The following PRKCB variants were observed in gnomAD, a reference collection of about 807,000 sequenced individuals.
PRKCB encodes the protein protein kinase C beta.
In PRKCB, 13 loss-of-function variants were observed where a neutral mutation model predicts 81.5. The observed-to-expected ratio is 0.16, with a 90% CI of 0.10 to 0.25. PRKCB has a LOEUF of 0.25. Among genes scored for constraint, PRKCB ranks in the 10% least tolerant of loss-of-function variants. PRKCB has a pLI of 1.00. For synonymous variants in PRKCB, 335 were observed against 321.4 expected (o/e 1.04, Z -0.45); for missense variants, 509 against 875.7 (o/e 0.58, Z 5.29).
At chr16:23,863,249 T>TACAC (rs1250558253) in intron 2 of PRKCB, among the ~76,000 whole-genome samples, 1 of 56,012 alleles carries the variant, frequency 1.8e-5, no homozygotes, top group African/African-American at 4.9e-5. Flanking sequence ...TACATATATA[T>TACAC]ACACATACAC....
intron 2 of PRKCB, among the ~76,000 whole-genome samples, chr16:23,888,146 A>G (rs55764664): frequency 0.014 from 2,206 of 152,292 alleles, 41 homozygotes; most frequent in African/African-American, 0.051. Context: ...GGAGGACTTC[A>G]GGCAATCCCT....
intron 2 of PRKCB, among the ~76,000 whole-genome samples, chr16:23,974,355 C>T (rs1177849455): frequency 6.6e-6 from 1 of 152,096 alleles, no homozygotes; most frequent in African/African-American, 2.4e-5. Context: ...CCTGAAGTCC[C>T]TTGGATTGAC....
intron 9 of PRKCB, among the ~76,000 whole-genome samples, chr16:24,142,023 G>C (rs1215124840): frequency 6.6e-6 from 1 of 152,118 alleles, no homozygotes; most frequent in Admixed American, 6.6e-5. Context: ...ATGGCTTGCT[G>C]TGTGTTGGGC....
intron 2 of PRKCB, among the ~76,000 whole-genome samples, chr16:23,957,571 G>A (rs1376800425): frequency 2.0e-5 from 3 of 152,132 alleles, no homozygotes; most frequent in East Asian, 1.9e-4. Context: ...TTATTCCCAC[G>A]TGAAGCATCT....
intron 3 of PRKCB, among the ~76,000 whole-genome samples, chr16:24,002,037 A>G (rs554266804): frequency 6.6e-6 from 1 of 152,058 alleles, no homozygotes; most frequent in Non-Finnish European, 1.5e-5. Flanking sequence ...GTGGTTTCTC[A>G]TGATTGTGTG....
Position 24,191,072 on chromosome 16 carries a change from T to C in PRKCB, c.1723-18T>C. ...CTTCTGAAACTCAGCAAATTCAATG[T>C]TTTTCTTTCTCTCGAAGCTGATGAC... is the stretch of plus-strand genomic sequence containing the variant. On this transcript the variant is annotated intron_variant, in intron 15 of 16. Coordinates refer to ENST00000643927, the MANE Select transcript of PRKCB (RefSeq NM_002738.7). 1.2e-6 allele frequency: 2 copies of C among 1,610,350 alleles called. No individual in the cohort carries two copies. The highest frequency in any genetic ancestry group is 1.7e-6 in the Non-Finnish European group (2 of 1,177,726).
At chr16:24,156,941 A>G (rs1239383493) in intron 10 of PRKCB, among the ~76,000 whole-genome samples, 2 of 152,244 alleles carry the variant, frequency 1.3e-5, no homozygotes, top group Admixed American at 6.5e-5. Flanking sequence ...GCTGAGCAGC[A>G]GCAGTTTTCC....
At chr16:23,955,733 C>T (rs1027919410) in intron 2 of PRKCB, among the ~76,000 whole-genome samples, 1 of 152,206 alleles carries the variant, frequency 6.6e-6, no homozygotes, top group Non-Finnish European at 1.5e-5. Context: ...TTACCTCTCT[C>T]TTTGTCACTT....
At chr16:24,021,321 T>TCCTC (rs1965394687) in intron 3 of PRKCB, among the ~76,000 whole-genome samples, 1 of 51,206 alleles carries the variant, frequency 2.0e-5, no homozygotes, top group Non-Finnish European at 3.6e-5. Flanking sequence ...CTTCCTTCCT[T>TCCTC]CCTTCCTTCC....
At chr16:23,969,127 G>A (rs1248053135) in intron 2 of PRKCB, among the ~76,000 whole-genome samples, 1 of 152,126 alleles carries the variant, frequency 6.6e-6, no homozygotes, top group African/African-American at 2.4e-5. Context: ...CTGAGATCGC[G>A]CCACTGCACT....
intron 8 of PRKCB, among the ~76,000 whole-genome samples, chr16:24,117,033 T>C (rs1966743586): frequency 6.6e-6 from 1 of 152,204 alleles, no homozygotes; most frequent in Non-Finnish European, 1.5e-5. Context: ...CAAATGCTTG[T>C]TTATGCCTGA....
chr16:24,201,165 G>T (rs1596596218), intron 16 of PRKCB, among the ~76,000 whole-genome samples: 4 of 152,186 alleles, frequency 2.6e-5, no homozygotes. Context: ...CTGGACTCCA[G>T]CCTCTTGATC....
intron 16 of PRKCB, among the ~76,000 whole-genome samples, chr16:24,206,430 G>A (rs1968046576): frequency 6.6e-6 from 1 of 152,188 alleles, no homozygotes; most frequent in African/African-American, 2.4e-5. Context: ...ACCTGAAGGT[G>A]TCCTGGTGTC....
At chr16:24,193,479 ATAAATAAAT>A in intron 16 of PRKCB, among the ~76,000 whole-genome samples, 1 of 150,676 alleles carries the variant, frequency 6.6e-6, no homozygotes, top group Non-Finnish European at 1.5e-5. Flanking sequence ...AAATAAATAA[ATAAATAAAT>A]AAATAAATAA....
chr16:24,163,120 G>T (rs1312632275), intron 10 of PRKCB, among the ~76,000 whole-genome samples: 1 of 152,154 alleles, frequency 6.6e-6, no homozygotes, highest in African/African-American at 2.4e-5. Context: ...CTTGGGTCAG[G>T]TGTTTATTCC....
intron 5 of PRKCB, among the ~76,000 whole-genome samples, chr16:24,089,893 AT>A (rs1423552089): frequency 6.6e-6 from 1 of 152,154 alleles, no homozygotes; most frequent in Non-Finnish European, 1.5e-5. Flanking sequence ...TTTATTGAGT[AT>A]TTTTTAAGTT....
chr16:24,171,964 A>G (rs753437994), intron 10 of PRKCB, among the ~76,000 whole-genome samples: 17 of 151,970 alleles, frequency 1.1e-4, no homozygotes, highest in Admixed American at 3.3e-4. Flanking sequence ...GCTGGCCTTG[A>G]ACTCCTGACC....
chr16:24,166,911 AC>A (rs889174375), intron 10 of PRKCB, among the ~76,000 whole-genome samples: 19 of 152,068 alleles, frequency 1.2e-4, no homozygotes, highest in Admixed American at 7.2e-4. Flanking sequence ...ACAAAACACG[AC>A]CTTACCTACA....
chr16:24,180,523 T>G (rs1967601325), intron 12 of PRKCB, among the ~76,000 whole-genome samples: 1 of 152,202 alleles, frequency 6.6e-6, no homozygotes, highest in African/African-American at 2.4e-5. Flanking sequence ...TCTGTGGATC[T>G]CCGTCTTTTC....
Sources: allele counts gnomAD v4.1 joint callset (sites outside exome capture counted in the v4.1 genomes callset), GRCh38; gene constraint gnomAD v4.1.1; transcripts MANE v1.5; gene names NCBI Gene and HGNC (gene_info 2026-07-23, HGNC 2026-07-21).